TRIM64C: variants seen among roughly 807,000 people sequenced by gnomAD.
The protein encoded by TRIM64C is tripartite motif-containing protein 64C.
TRIM64C carries 25 observed loss-of-function variants against 36.1 expected under a neutral mutation model. The ratio of observed to expected loss-of-function variants is 0.69; its 90% CI spans 0.51 to 0.97. The LOEUF is 0.97. Among genes scored for constraint, TRIM64C ranks in the 50% least tolerant of loss-of-function variants. The pLI, the probability that TRIM64C is intolerant of heterozygous loss-of-function variation, is 0.00. For missense variants in TRIM64C, 489 were observed against 536.8 expected, an observed-to-expected ratio of 0.91 and a Z score of 0.88; for synonymous variants, 212 against 185.7, an observed-to-expected ratio of 1.14 and a Z score of -1.15.
Position 49,053,872 on chromosome 11 carries a change from A to G in TRIM64C, c.1195T>C (p.Tyr399His), listed in dbSNP as rs779890657. 6.4e-7 allele frequency: 1 copy of G among 1,551,782 alleles called. No homozygotes were observed. The change falls in exon 6 of 6, where the codon TAT becomes CAT. Residue 399 changes from tyrosine to histidine, a missense_variant. Transcript: ENST00000617704. ...ACCCAACCCAGAGGCCTTTGCACAT[A>G]CTGGATTAAAGGTGGAGAATTGGTG... The part of the protein sequence containing the change: ...LSTNSPPLIQ[Y>H]VQRPLGWVGV...
chr11:49,056,370 A>G lies in TRIM64C; in HGVS notation c.750T>C (p.Asn250=). The G allele has an allele frequency of 6.5e-7, 1 of 1,542,796 alleles. No individual in the cohort carries two copies. Among genetic ancestry groups the G allele is most frequent in the Non-Finnish European group, 8.8e-7 (1 of 1,141,564 alleles). ...PDVELLQDVG[N]ISARTDLAQM... The stretch of plus-strand genomic sequence containing the variant: ...TAGTGTAAACTCACCTTGCCGATAT[A>G]TTTCCCACATCCTGCAAAAAAAATA... The change falls in exon 4 of 6, where the codon AAT becomes AAC. Residue 250 remains asparagine (N), a synonymous_variant. Coordinates refer to ENST00000617704, the MANE Select transcript of TRIM64C (RefSeq NM_001206631.1).
rs76442792 is a variant in TRIM64C, at chr11:49,055,604, A to G, written c.762-197T>C. Among the ~76,000 whole-genome samples the G allele has an allele frequency of 4.9e-3, 746 of 152,262 alleles. 4 individuals are homozygous for G. The highest frequency in any genetic ancestry group is 0.017 in the African/African-American group (721 of 41,548). On this transcript the variant is annotated intron_variant, in intron 4 of 5. Coordinates refer to ENST00000617704, the MANE Select transcript of TRIM64C (RefSeq NM_001206631.1). ...TAAATTTTACTTGCATAAAAACCCA[A>G]TTTCTCCAGATATGTTATTCTCAGA... is the stretch of plus-strand genomic sequence containing the variant.
At chr11:49,058,022 TA>T in intron 2 of TRIM64C, 55 bp downstream of exon 2, 1 of 1,245,592 alleles carries the variant, frequency 8.0e-7, no homozygotes, top group Non-Finnish European at 1.1e-6. Context: ...CTAAAAAGTA[TA>T]AGCCAACTTT....
At position 49,055,397 on chromosome 11, in the gene TRIM64C, C is replaced by G; in HGVS notation, c.772G>C (p.Ala258Pro). ...ACTGGCTGGGGCTTTGGCATCTGTGCCAAATCAGTTCTGCAAAAAAAAAAT... is the reference window on the plus strand; with the variant it reads ...ACTGGCTGGGGCTTTGGCATCTGTGGCAAATCAGTTCTGCAAAAAAAAAAT... ...VGNISARTDL[A>P]QMPKPQPVNP... Residue 258 changes from alanine (A) to proline (P), a missense_variant, in exon 5 of 6, where the codon GCA (alanine) becomes CCA (proline). Coordinates refer to ENST00000617704, the MANE Select transcript of TRIM64C (RefSeq NM_001206631.1). 2 of 1,497,490 alleles carry G rather than the reference C, an allele frequency of 1.3e-6. No homozygotes were observed. The highest frequency in any genetic ancestry group is 5.0e-5 in the East Asian group (2 of 40,044). 92.8% of individuals were successfully genotyped at this position (1,497,490 alleles called of 1,614,324 possible).
At position 49,054,120 on chromosome 11, in the gene TRIM64C, C is replaced by A; in HGVS notation, c.947G>T (p.Arg316Leu). Residue 316 changes from arginine (R) to leucine (L), a missense_variant, in exon 6 of 6, where the codon CGC (arginine) becomes CTC (leucine). Transcript: ENST00000617704. ...VRRVIFGDDH[R>L]SAPMDPQGVE... is the part of the protein sequence containing the mutation. ...TCCTTGGGGATCCATGGGTGCACTG[C>A]GATGGTCATCTCCAAATATCACACG... 6.4e-7 allele frequency: 1 copy of A among 1,551,560 alleles called. No homozygotes were observed. Among genetic ancestry groups the A allele is most frequent in the Non-Finnish European group, 8.7e-7 (1 of 1,146,844 alleles).
intron 2 of TRIM64C, 57 bp downstream of exon 2, chr11:49,058,021 A>G (rs914187166): frequency 2.4e-6 from 3 of 1,243,040 alleles, no homozygotes; most frequent in African/African-American, 1.5e-5. Flanking sequence ...GCTAAAAAGT[A>G]TAAGCCAACT....
chr11:49,055,448 G>C, intron 4 of TRIM64C, 41 bp from the exon 5 acceptor site: 1 of 1,533,190 alleles, frequency 6.5e-7, no homozygotes, highest in Non-Finnish European at 8.7e-7. Flanking sequence ...TCCAGGACCA[G>C]AGCTAATCAC....
At chr11:49,058,534 A>G (rs1590645253) in intron 1 of TRIM64C, among the ~76,000 whole-genome samples, 167 bp downstream of exon 1, 1 of 151,938 alleles carries the variant, frequency 6.6e-6, no homozygotes, top group Non-Finnish European at 1.5e-5. Flanking sequence ...AGCTATGATT[A>G]GAGTGCCAAA....
chr11:49,056,358 C>T lies in TRIM64C; in HGVS notation c.761+1G>A. On this transcript the variant is annotated splice_donor_variant, in intron 4 of 5. Coordinates refer to ENST00000617704, the MANE Select transcript of TRIM64C (RefSeq NM_001206631.1). LOFTEE classifies it high-confidence loss of function. ...TAGCATTTTTTTTAGTGTAAACTCA[C>T]CTTGCCGATATATTTCCCACATCCT... 6.5e-7 allele frequency: 1 copy of T among 1,542,534 alleles called. No homozygotes were observed. The highest frequency in any genetic ancestry group is 2.0e-5 in the Admixed American group (1 of 50,534).
intron 1 of TRIM64C, 82 bp downstream of exon 1, chr11:49,058,619 A>G: frequency 6.6e-7 from 1 of 1,524,084 alleles, no homozygotes; most frequent in Non-Finnish European, 8.8e-7. Flanking sequence ...CACTATCTGC[A>G]TTCTCATCAC....
At position 49,053,907 on chromosome 11, in the gene TRIM64C, T is replaced by C; in HGVS notation, c.1160A>G (p.Tyr387Cys). 2.6e-6 allele frequency: 4 copies of C among 1,551,678 alleles called. No individual in the cohort carries two copies. Among genetic ancestry groups the C allele is most frequent in the Admixed American group, 2.0e-5 (1 of 51,002 alleles). The stretch of plus-strand genomic sequence containing the variant: ...AGGTGGAGAATTGGTGGAGAGACTA[T>C]AGTGATTGCTCGTCTTTGAAGAAAT... ...FSISSKTSNH[Y>C]SLSTNSPPLI... Residue 387 changes from tyrosine (Y) to cysteine (C), a missense_variant, in exon 6 of 6, where the codon TAT (tyrosine) becomes TGT (cysteine). Coordinates refer to ENST00000617704, the MANE Select transcript of TRIM64C (RefSeq NM_001206631.1).
chr11:49,055,429 A>C (rs760073372), intron 4 of TRIM64C, 22 bp from the exon 5 acceptor site: 122 of 1,534,286 alleles, frequency 8.0e-5, no homozygotes, highest in Non-Finnish European at 1.1e-4. Context: ...AAATGGCCTC[A>C]GTTATATTTC....
At position 49,058,762 on chromosome 11, in the gene TRIM64C, T is replaced by A. The variant is rs1446606352; in HGVS notation, c.351A>T (p.Ser117=). The A allele has an allele frequency of 1.9e-6, 3 of 1,548,266 alleles. No homozygotes were observed. The highest frequency in any genetic ancestry group is 2.6e-6 in the Non-Finnish European group (3 of 1,146,646). Residue 117 remains serine (S), a synonymous_variant, in exon 1 of 6, where the codon TCA becomes TCT. Transcript: ENST00000617704. Reference sequence around the variant, plus strand: ...TGTGGCTGTGAGCCATGTGCTCTGGTGACTCAGAGCAGGGCCCACAGAGCA... The same window carrying A: ...TGTGGCTGTGAGCCATGTGCTCTGGAGACTCAGAGCAGGGCCCACAGAGCA... ...KRLLCGPCSE[S]PEHMAHSHSP...
Position 49,057,200 on chromosome 11 carries a change from A to G in TRIM64C, c.686T>C (p.Met229Thr), listed in dbSNP as rs1854823565. 2.6e-6 allele frequency: 4 copies of G among 1,549,572 alleles called. No individual in the cohort carries two copies. Among genetic ancestry groups the G allele is most frequent in the African/African-American group, 1.4e-5 (1 of 72,676 alleles). The change falls in exon 3 of 6, where the codon ATG becomes ACG. Residue 229 changes from methionine (M) to threonine (T), a missense_variant. Met to Thr is a moderately conservative substitution (Grantham distance 81). Transcript: ENST00000617704. The part of the protein sequence containing the change: ...MTQHLEGMKD[M>T]YRELWETYHM... The stretch of plus-strand genomic sequence containing the variant: ...GTATGTCTCCCACAGCTCTCTGTAC[A>G]TGTCTTTCATCCCTTCTAAATGTTG...
rs1304157607 is a variant in TRIM64C at position 49,057,152 on chromosome 11, A to C, written c.734T>G (p.Leu245Arg). 6.5e-7 allele frequency: 1 copy of C among 1,549,232 alleles called. No homozygotes were observed. The highest frequency in any genetic ancestry group is 8.7e-7 in the Non-Finnish European group (1 of 1,146,848). The part of the protein sequence containing the change: ...ETYHMPDVEL[L>R]QDVGNISART... ...GGATGGACCCTCCCTCCTCACCTGGAGCAGCTCCACGTCAGGCATGTGGTA... is the reference window on the plus strand; with the variant it reads ...GGATGGACCCTCCCTCCTCACCTGGCGCAGCTCCACGTCAGGCATGTGGTA... The change falls in exon 3 of 6, where the codon CTC (leucine) becomes CGC (arginine). Residue 245 changes from leucine (L) to arginine (R), a missense_variant. Leu to Arg is a moderately radical substitution (Grantham distance 102). Coordinates refer to ENST00000617704, the MANE Select transcript of TRIM64C (RefSeq NM_001206631.1).
chr11:49,055,474 TATC>T, intron 4 of TRIM64C, 67 bp from the exon 5 acceptor site: 1 of 1,513,304 alleles, frequency 6.6e-7, no homozygotes, highest in Non-Finnish European at 8.8e-7. Flanking sequence ...CATATGAAGA[TATC>T]ATATTTTCAT....
At position 49,058,925 on chromosome 11, in the gene TRIM64C, T is replaced by A. The variant is rs959673745; in HGVS notation, c.188A>T (p.Asn63Ile). ...TTTGAGTGCCACATTGGTGTTGAAG[T>A]TGGGCTTCTCTGAGATTTTTCTGCA... Reference protein sequence around the residue: ...PLCRKISEKPNFNTNVALKKL... With the variant: ...PLCRKISEKPIFNTNVALKKL... Residue 63 changes from asparagine (N) to isoleucine (I), a missense_variant, in exon 1 of 6, where the codon AAC becomes ATC. Asn to Ile is a moderately radical substitution (Grantham distance 149, BLOSUM62 -3). Transcript: ENST00000617704. 10 of 1,551,166 alleles carry A rather than the reference T, an allele frequency of 6.4e-6. No homozygotes were observed. Among genetic ancestry groups the A allele is most frequent in the Non-Finnish European group, 8.7e-6 (10 of 1,146,924 alleles).
At position 49,058,696 on chromosome 11, in the gene TRIM64C, A is replaced by T. The variant is rs1285205311; in HGVS notation, c.412+5T>A. ...GTATAATTCAAACTGCCTTAGAGGC[A>T]TCACGTACCCTGCATTCCTCAGCAG... On this transcript the variant is annotated splice_donor_5th_base_variant and intron_variant, in intron 1 of 5. Coordinates refer to ENST00000617704, the MANE Select transcript of TRIM64C (RefSeq NM_001206631.1). 3.9e-6 allele frequency: 6 copies of T among 1,544,288 alleles called. No homozygotes were observed. Among genetic ancestry groups the T allele is most frequent in the Non-Finnish European group, 5.2e-6 (6 of 1,146,398 alleles).
In TRIM64C at chr11:49,055,424, G is replaced by T. The variant is rs777136288; in HGVS notation, c.762-17C>A. On this transcript the variant is annotated splice_polypyrimidine_tract_variant and intron_variant, in intron 4 of 5. Transcript: ENST00000617704. The stretch of plus-strand genomic sequence containing the variant: ...AAATCAGTTCTGCAAAAAAAAAATG[G>T]CCTCAGTTATATTTCCAGGACCAGA... 1.1e-5 allele frequency: 16 copies of T among 1,457,160 alleles called. No individual in the cohort carries two copies. The Admixed American group carries it at 1.2e-4, about 11-fold the overall frequency. The allele number at this position is 1,457,160 out of a possible 1,614,324, so 90.3% of individuals were successfully genotyped here. A position where few individuals can be genotyped will look rare whatever the true frequency, so the allele number is the denominator to read the frequency against.
Sources: allele counts gnomAD v4.1 joint callset (sites outside exome capture counted in the v4.1 genomes callset), GRCh38; gene constraint gnomAD v4.1.1; transcripts MANE v1.5; gene names NCBI Gene and HGNC (gene_info 2026-07-23, HGNC 2026-07-21).